The following NRXN1 variants were observed in gnomAD, a reference collection of about 807,000 sequenced individuals.
NRXN1 encodes neurexin 1.
NRXN1 carries 39 observed loss-of-function variants against 150.9 expected under a neutral mutation model. The ratio of observed to expected loss-of-function variants is 0.26; its 90% CI spans 0.20 to 0.34. The LOEUF (loss-of-function observed/expected upper bound fraction) is 0.34. Among genes scored for constraint, NRXN1 ranks in the 10% least tolerant of loss-of-function variants. NRXN1 has a pLI of 1.00. For missense variants in NRXN1, 1,815 were observed against 1,949.9 expected (o/e 0.93, Z 1.30); for synonymous variants, 924 against 757.0 (o/e 1.22, Z -3.62).
chr2:50,967,543 A>G (rs1694298359), intron 2 of NRXN1, among the ~76,000 whole-genome samples: 2 of 152,016 alleles, frequency 1.3e-5, no homozygotes. Flanking sequence ...GAAAACTGGA[A>G]GAATATCATT....
chr2:50,746,527 C>T (rs958753073), intron 5 of NRXN1, among the ~76,000 whole-genome samples: 2 of 151,768 alleles, frequency 1.3e-5, no homozygotes, highest in African/African-American at 4.8e-5. Flanking sequence ...TACTACACTG[C>T]AGCCTGGGCA....
At chr2:50,708,359 G>A (rs1420488328) in intron 5 of NRXN1, among the ~76,000 whole-genome samples, 1 of 152,146 alleles carries the variant, frequency 6.6e-6, no homozygotes, top group Admixed American at 6.6e-5. Context: ...AATTTTAGCA[G>A]CATTTGATTG....
intron 5 of NRXN1, among the ~76,000 whole-genome samples, chr2:50,912,442 C>T (rs1684652906): frequency 6.6e-6 from 1 of 151,798 alleles, no homozygotes; most frequent in African/African-American, 2.4e-5. Flanking sequence ...TCTCAGTGGT[C>T]CTGTCCTGTT....
At chr2:50,521,210 C>G (rs2092779489) in intron 12 of NRXN1, among the ~76,000 whole-genome samples, 1 of 152,108 alleles carries the variant, frequency 6.6e-6, no homozygotes, top group African/African-American at 2.4e-5. Context: ...TATCTTAAAT[C>G]ACGCATTTCA....
At chr2:50,045,991 T>G (rs907977736) in intron 21 of NRXN1, among the ~76,000 whole-genome samples, 1 of 152,186 alleles carries the variant, frequency 6.6e-6, no homozygotes, top group African/African-American at 2.4e-5. Flanking sequence ...TTAAGCTCCT[T>G]AATCAAAATA....
At chr2:51,006,434 T>C (rs961615074) in intron 2 of NRXN1, among the ~76,000 whole-genome samples, 1 of 151,824 alleles carries the variant, frequency 6.6e-6, no homozygotes, top group Non-Finnish European at 1.5e-5. Flanking sequence ...TTAGGATATA[T>C]ACCTAATGCT....
chr2:50,162,870 T>A (rs903639819), intron 18 of NRXN1, among the ~76,000 whole-genome samples: 2 of 151,942 alleles, frequency 1.3e-5, no homozygotes, highest in African/African-American at 4.8e-5. Flanking sequence ...TTGTATAAAA[T>A]TTTTAAAATT....
At chr2:50,815,177 C>G (rs1362510901) in intron 5 of NRXN1, among the ~76,000 whole-genome samples, 1 of 151,966 alleles carries the variant, frequency 6.6e-6, no homozygotes, top group African/African-American at 2.4e-5. Context: ...TGTTCCTTCT[C>G]ATGACAACAA....
At chr2:50,979,595 T>C (rs1417486693) in intron 2 of NRXN1, among the ~76,000 whole-genome samples, 1 of 152,118 alleles carries the variant, frequency 6.6e-6, no homozygotes, top group East Asian at 1.9e-4. Context: ...TTAAAAATGA[T>C]ATGCCTACTA....
intron 17 of NRXN1, among the ~76,000 whole-genome samples, chr2:50,295,140 C>A (rs12622479): frequency 0.17 from 26,006 of 152,144 alleles, 2,468 homozygotes; most frequent in East Asian, 0.36. Context: ...TATGCCCTGG[C>A]CTTCCTCCCT....
At chr2:50,754,810 A>T (rs1700989658) in intron 5 of NRXN1, among the ~76,000 whole-genome samples, 1 of 152,084 alleles carries the variant, frequency 6.6e-6, no homozygotes, top group African/African-American at 2.4e-5. Flanking sequence ...AGCAATGCTC[A>T]TTAAAAAGTA....
intron 5 of NRXN1, among the ~76,000 whole-genome samples, chr2:50,676,133 GT>G (rs962643577): frequency 6.6e-6 from 1 of 151,960 alleles, no homozygotes; most frequent in African/African-American, 2.4e-5. Context: ...AGGATATCTT[GT>G]TTTTTAAAAG....
At chr2:50,180,164 G>C (rs1228208546) in intron 18 of NRXN1, among the ~76,000 whole-genome samples, 1 of 151,170 alleles carries the variant, frequency 6.6e-6, no homozygotes, top group Non-Finnish European at 1.5e-5. Context: ...TAAGAATACA[G>C]GGCGGTGCCC....
intron 8 of NRXN1, among the ~76,000 whole-genome samples, chr2:50,591,957 C>T (rs781177659): frequency 1.3e-5 from 2 of 152,228 alleles, no homozygotes; most frequent in African/African-American, 2.4e-5. Context: ...ATCCAAATTT[C>T]GACCTTGGTT....
chr2:50,423,029 A>G (rs2084122554), intron 17 of NRXN1, among the ~76,000 whole-genome samples: 1 of 152,192 alleles, frequency 6.6e-6, no homozygotes, highest in South Asian at 2.1e-4. Context: ...AAATCTCATC[A>G]CAGTCTGGCA....
chr2:50,685,945 A>T (rs746554864), intron 5 of NRXN1, among the ~76,000 whole-genome samples: 10 of 152,072 alleles, frequency 6.6e-5, no homozygotes, highest in Middle Eastern at 3.2e-3. Flanking sequence ...AAAAATATAG[A>T]TCTTGCTTCT....
chr2:49,932,837 T>C (rs1670372376), intron 22 of NRXN1, among the ~76,000 whole-genome samples: 1 of 152,174 alleles, frequency 6.6e-6, no homozygotes, highest in Non-Finnish European at 1.5e-5. Context: ...CTCATAACAC[T>C]ATGTGGTGTA....
chr2:50,472,275 G>C lies in NRXN1; in HGVS notation c.3244+23C>G, dbSNP rs201168364. 2.1e-5 allele frequency: 32 copies of C among 1,519,402 alleles called. No homozygotes were observed. The African/African-American group carries it at 3.9e-4, about 18-fold the overall frequency. The allele number at this position is 1,519,402 out of a possible 1,614,324, so 94.1% of individuals were successfully genotyped here. On this transcript the variant is annotated intron_variant, in intron 16 of 22. Coordinates refer to ENST00000401669, the MANE Select transcript of NRXN1 (RefSeq NM_001330078.2). ...ACAGGTGGAATTAGAATTATTTAGAGCATGATGACAAAAATCTAATACCTT... is the reference window on the plus strand; with the variant it reads ...ACAGGTGGAATTAGAATTATTTAGACCATGATGACAAAAATCTAATACCTT...
intron 2 of NRXN1, among the ~76,000 whole-genome samples, chr2:51,026,211 C>T (rs1033173532): frequency 2.6e-5 from 4 of 152,130 alleles, no homozygotes; most frequent in African/African-American, 9.7e-5. Context: ...CTATAGCTTT[C>T]GAAATCAGAT....
Sources: gnomAD v4.1 joint callset for allele counts (sites outside exome capture counted in the v4.1 genomes callset) on GRCh38, gnomAD v4.1.1 for gene constraint, MANE v1.5 for transcripts, NCBI Gene and HGNC (gene_info 2026-07-23, HGNC 2026-07-21) for gene names.